Variants in DAB2 observed in about 807,000 individuals in gnomAD.
The protein encoded by DAB2 is DAB adaptor protein 2.
A neutral mutation model predicts 71.6 loss-of-function variants in DAB2; 28 were observed. The observed-to-expected ratio is 0.39, with a 90% CI of 0.29 to 0.54. The LOEUF is 0.54. DAB2 is among the 20% of genes least tolerant of loss of function. The probability of loss-of-function intolerance (pLI) is 0.68; values close to 1 mark genes in which losing one functional copy is unlikely to be tolerated. For missense variants in DAB2, 867 were observed against 928.8 expected, an observed-to-expected ratio of 0.93 and a Z score of 0.86; for synonymous variants, 345 against 339.7, an observed-to-expected ratio of 1.02 and a Z score of -0.17.
chr5:39,415,495 G>A (rs1366572471), intron 1 of DAB2, among the ~76,000 whole-genome samples: 1 of 152,196 alleles, frequency 6.6e-6, no homozygotes, highest in African/African-American at 2.4e-5. Flanking sequence ...GACATGTTCT[G>A]TGGCACTTTT....
In DAB2 at chr5:39,394,295, G is replaced by A; in HGVS notation, c.26C>T (p.Ala9Val). Reference sequence around the variant, plus strand: ...CTGTTGGTCGGGCTGACCATTGGTTGCACTTGTTTCTACTTCGTTAGACAT... The same window carrying A: ...CTGTTGGTCGGGCTGACCATTGGTTACACTTGTTTCTACTTCGTTAGACAT... MSNEVETS[A>V]TNGQPDQQAA... Residue 9 changes from alanine (A) to valine (V), a missense_variant, in exon 2 of 15, where the codon GCA becomes GTA. Around this residue, in one of 2 missense-constraint regions of DAB2, gnomAD observed 127 missense variants for 194.4 expected, o/e 0.65. Transcript: ENST00000320816. 1 of 1,614,124 alleles carries A rather than the reference G, an allele frequency of 6.2e-7. No homozygotes were observed. Among genetic ancestry groups the A allele is most frequent in the East Asian group, 2.2e-5 (1 of 44,878 alleles).
At chr5:39,392,923 T>C (rs1755269525) in intron 3 of DAB2, among the ~76,000 whole-genome samples, 2 of 152,220 alleles carry the variant, frequency 1.3e-5, no homozygotes, top group African/African-American at 2.4e-5. Flanking sequence ...TTCCGTGCTC[T>C]CCACATATAG....
chr5:39,402,161 C>T (rs1256929079), intron 1 of DAB2, among the ~76,000 whole-genome samples: 2 of 152,084 alleles, frequency 1.3e-5, no homozygotes, highest in Non-Finnish European at 2.9e-5. Flanking sequence ...GATTCAATTA[C>T]CTCCCACCAG....
At chr5:39,406,907 G>A (rs1755620674) in intron 1 of DAB2, among the ~76,000 whole-genome samples, 1 of 152,024 alleles carries the variant, frequency 6.6e-6, no homozygotes, top group African/African-American at 2.4e-5. Flanking sequence ...CAGTGTCTTT[G>A]GGGCAGTGAC....
At chr5:39,376,215 A>T (rs1754824655) in intron 12 of DAB2, 109 bp from the exon 13 acceptor site, 1 of 790,418 alleles carries the variant, frequency 1.3e-6, no homozygotes, top group Admixed American at 2.7e-5. Flanking sequence ...TGAAATTTAC[A>T]TCAGTGGAAC....
chr5:39,396,105 C>T (rs1423893031), intron 1 of DAB2, among the ~76,000 whole-genome samples: 5 of 151,786 alleles, frequency 3.3e-5, no homozygotes, highest in East Asian at 1.9e-4. Flanking sequence ...AGGGGCACTA[C>T]GCCCGGCTAA....
chr5:39,373,253 G>C lies in DAB2; in HGVS notation c.*178C>G, dbSNP rs1409782864. On this transcript the variant is annotated 3_prime_UTR_variant, in exon 15 of 15. Transcript: ENST00000320816. ...ATAGATTCAGTTTAGCTTTAACCTA[G>C]ACAGAAAGTGAAAAGCATTTTACAA... The C allele has an allele frequency of 6.6e-6, 1 of 152,266 alleles. No homozygotes were observed. Among genetic ancestry groups the C allele is most frequent in the African/African-American group, 2.4e-5 (1 of 41,348 alleles). 9.4% of individuals were successfully genotyped at this position (152,266 alleles called of 1,614,324 possible). A position where few individuals can be genotyped will look rare whatever the true frequency, so the allele number is the denominator to read the frequency against.
chr5:39,415,908 C>G (rs1755833566), intron 1 of DAB2, among the ~76,000 whole-genome samples: 1 of 152,072 alleles, frequency 6.6e-6, no homozygotes. Flanking sequence ...TGCAGATATA[C>G]CTAAAAGATC....
chr5:39,376,391 C>T (rs1181570691), intron 12 of DAB2, among the ~76,000 whole-genome samples: 3 of 152,170 alleles, frequency 2.0e-5, no homozygotes, highest in African/African-American at 7.2e-5. Flanking sequence ...CACCAGTCAT[C>T]ACATTTCAAT....
chr5:39,415,467 T>G (rs2112107431), intron 1 of DAB2, among the ~76,000 whole-genome samples: 1 of 152,314 alleles, frequency 6.6e-6, no homozygotes, highest in African/African-American at 2.4e-5. Context: ...TTCAGGGAAC[T>G]TCTGTATTCT....
intron 3 of DAB2, among the ~76,000 whole-genome samples, chr5:39,392,665 C>T (rs564075191): frequency 1.3e-5 from 2 of 152,246 alleles, no homozygotes; most frequent in Admixed American, 6.5e-5. Context: ...TGTGCGAACT[C>T]GGACAAGTCA....
intron 1 of DAB2, among the ~76,000 whole-genome samples, chr5:39,394,950 G>C (rs1421862069): frequency 6.6e-6 from 1 of 152,084 alleles, no homozygotes; most frequent in Non-Finnish European, 1.5e-5. Context: ...TGATCCCCAG[G>C]GTTATCCAAG....
chr5:39,381,690 A>T, intron 10 of DAB2, 74 bp from the exon 11 acceptor site: 1 of 1,513,936 alleles, frequency 6.6e-7, no homozygotes, highest in Non-Finnish European at 9.0e-7. Flanking sequence ...TTTGTCTCCT[A>T]CCCTATACCC....
At chr5:39,424,369 C>T (rs1333884378) in intron 1 of DAB2, among the ~76,000 whole-genome samples, 1 of 151,876 alleles carries the variant, frequency 6.6e-6, no homozygotes, top group Non-Finnish European at 1.5e-5. Context: ...CAAGCCAGGT[C>T]CCCAGCCTTT....
intron 1 of DAB2, among the ~76,000 whole-genome samples, chr5:39,407,765 G>A (rs1235879915): frequency 6.6e-6 from 1 of 152,124 alleles, no homozygotes; most frequent in African/African-American, 2.4e-5. Flanking sequence ...CATGACAGTA[G>A]TCAGCTTGAA....
intron 11 of DAB2, among the ~76,000 whole-genome samples, chr5:39,381,105 T>C (rs1754970392): frequency 6.6e-6 from 1 of 152,244 alleles, no homozygotes; most frequent in South Asian, 2.1e-4. Flanking sequence ...GACATGCATG[T>C]TGACAGACAA....
At chr5:39,404,938 A>G (rs1215932802) in intron 1 of DAB2, among the ~76,000 whole-genome samples, 1 of 152,210 alleles carries the variant, frequency 6.6e-6, no homozygotes, top group East Asian at 1.9e-4. Context: ...CACAAGCTGA[A>G]CAGAAGTATT....
Position 39,394,366 on chromosome 5 carries a change from G to GAC in DAB2, c.-48_-47dup, listed in dbSNP as rs1157082467. ...ACCTCAGTACCAGTGGACACTTGGT[G>GAC]ACACCAGGCGATCCCGATGGAGAAG... On this transcript the variant is annotated 5_prime_UTR_variant, in exon 2 of 15. Coordinates refer to ENST00000320816, the MANE Select transcript of DAB2 (RefSeq NM_001343.4). The GAC allele has an allele frequency of 1.4e-6, 2 of 1,383,760 alleles. No homozygotes were observed. The highest frequency in any genetic ancestry group is 3.3e-5 in the Admixed American group (2 of 59,708). The allele number at this position is 1,383,760 out of a possible 1,614,324, so 85.7% of individuals were successfully genotyped here. A position where few individuals can be genotyped will look rare whatever the true frequency, so the allele number is the denominator to read the frequency against.
chr5:39,383,566 A>T (rs1400028546), intron 9 of DAB2, among the ~76,000 whole-genome samples: 1 of 152,178 alleles, frequency 6.6e-6, no homozygotes, highest in African/African-American at 2.4e-5. Flanking sequence ...TCACACATAC[A>T]GACTGGCTTA....
Sources: gnomAD v4.1 joint callset for allele counts (sites outside exome capture counted in the v4.1 genomes callset) on GRCh38, gnomAD v4.1.1 for gene constraint, gnomAD v4.1.1 regional missense constraint, MANE v1.5 for transcripts, NCBI Gene and HGNC (gene_info 2026-07-23, HGNC 2026-07-21) for gene names.